Variants in FBXL7 observed in about 807,000 individuals in gnomAD.
The protein encoded by FBXL7 is F-box and leucine rich repeat protein 7.
A neutral mutation model predicts 38.3 loss-of-function variants in FBXL7; 12 were observed. The ratio of observed to expected loss-of-function variants is 0.31; its 90% CI spans 0.20 to 0.51. FBXL7 has a LOEUF of 0.51. Ranked by LOEUF, FBXL7 falls within the 20% of genes least tolerant of loss-of-function variation. The pLI, the probability that FBXL7 is intolerant of heterozygous loss-of-function variation, is 0.98. For synonymous variants in FBXL7, 297 were observed against 300.9 expected, an observed-to-expected ratio of 0.99 and a Z score of 0.13; for missense variants, 567 against 676.4, an observed-to-expected ratio of 0.84 and a Z score of 1.79.
At chr5:15,888,109 A>C (rs1392786254) in intron 2 of FBXL7, among the ~76,000 whole-genome samples, 1 of 152,234 alleles carries the variant, frequency 6.6e-6, no homozygotes, top group Non-Finnish European at 1.5e-5. Context: ...TTCATATTGC[A>C]CTATCATCCA....
At chr5:15,842,662 G>T (rs1738781277) in intron 2 of FBXL7, among the ~76,000 whole-genome samples, 1 of 152,106 alleles carries the variant, frequency 6.6e-6, no homozygotes, top group Non-Finnish European at 1.5e-5. Context: ...GGAGATAATA[G>T]AATCATGGAG....
chr5:15,788,784 A>G (rs372112353), intron 2 of FBXL7, among the ~76,000 whole-genome samples: 65 of 150,832 alleles, frequency 4.3e-4, no homozygotes, highest in African/African-American at 1.5e-3. Flanking sequence ...GCTTCAAATG[A>G]TTCTCCTGCC....
chr5:15,668,435 T>A, intron 2 of FBXL7, among the ~76,000 whole-genome samples: 1 of 151,548 alleles, frequency 6.6e-6, no homozygotes, highest in East Asian at 1.9e-4. Context: ...TTTCCTGGAA[T>A]AAAGAATACA....
At chr5:15,603,908 G>A (rs769739586) in intron 1 of FBXL7, among the ~76,000 whole-genome samples, 2 of 152,160 alleles carry the variant, frequency 1.3e-5, no homozygotes, top group East Asian at 1.9e-4. Flanking sequence ...AGGCTGAGGC[G>A]AGTGGGTCAC....
At chr5:15,858,416 TG>T (rs531459304) in intron 2 of FBXL7, among the ~76,000 whole-genome samples, 31 of 152,190 alleles carry the variant, frequency 2.0e-4, no homozygotes, top group African/African-American at 7.2e-4. Context: ...ATTCATTGGA[TG>T]AAAAAAAGGT....
chr5:15,777,831 G>C (rs968672980), intron 2 of FBXL7, among the ~76,000 whole-genome samples: 6 of 149,604 alleles, frequency 4.0e-5, no homozygotes, highest in African/African-American at 1.2e-4. Flanking sequence ...TATTACATGT[G>C]ATCTAGGACA....
chr5:15,718,285 C>T lies in FBXL7; in HGVS notation c.127+102213C>T, dbSNP rs1021449552. Among the ~76,000 whole-genome samples, 19 of 152,138 alleles carry T rather than the reference C, an allele frequency of 1.2e-4. No homozygotes were observed. In the East Asian group the frequency reaches 3.3e-3, roughly 26 times the overall value. ...TCTTGCGCTTTTTTTGTAGGTTTGA[C>T]GTTTTTCAAAATAAAAAGTTGAGGA... On this transcript the variant is annotated intron_variant, in intron 2 of 3. Coordinates refer to ENST00000504595, the MANE Select transcript of FBXL7 (RefSeq NM_012304.5).
intron 2 of FBXL7, among the ~76,000 whole-genome samples, chr5:15,701,463 G>C (rs1352166664): frequency 2.6e-5 from 4 of 152,094 alleles, no homozygotes; most frequent in African/African-American, 9.7e-5. Context: ...TTTGTTTTTG[G>C]TCACAGAGCG....
intron 2 of FBXL7, among the ~76,000 whole-genome samples, chr5:15,831,662 G>A (rs1738459369): frequency 6.6e-6 from 1 of 152,162 alleles, no homozygotes; most frequent in Admixed American, 6.5e-5. Context: ...ACGCACTCTG[G>A]GAAACATTGT....
intron 1 of FBXL7, among the ~76,000 whole-genome samples, chr5:15,564,218 A>G (rs1455564615): frequency 3.3e-5 from 5 of 152,098 alleles, no homozygotes; most frequent in Non-Finnish European, 7.4e-5. Context: ...CTCCATTATT[A>G]AAAAATTCAT....
In FBXL7 at chr5:15,793,237, CAGA is replaced by C. The variant is rs900802618; in HGVS notation, c.128-134650_128-134648del. Among the ~76,000 whole-genome samples, 290 of 152,224 alleles carry C rather than the reference CAGA, an allele frequency of 1.9e-3. 1 individual carries two copies. The highest frequency in any genetic ancestry group is 6.7e-3 in the African/African-American group (276 of 41,494). On this transcript the variant is annotated intron_variant, in intron 2 of 3. Coordinates refer to ENST00000504595, the MANE Select transcript of FBXL7 (RefSeq NM_012304.5). ...CTGCAAATGTGGTGCCTTGAAACAA[CAGA>C]AGTTTATTCTTTCATGGTTCTGGAG...
At chr5:15,814,359 T>A (rs970536870) in intron 2 of FBXL7, among the ~76,000 whole-genome samples, 3 of 152,074 alleles carry the variant, frequency 2.0e-5, no homozygotes, top group Non-Finnish European at 4.4e-5. Context: ...TTCTCACTCT[T>A]AAGTAGGAGT....
intron 2 of FBXL7, among the ~76,000 whole-genome samples, chr5:15,757,685 T>C (rs1192562825): frequency 6.6e-6 from 1 of 152,188 alleles, no homozygotes; most frequent in African/African-American, 2.4e-5. Flanking sequence ...ACTGAACTGC[T>C]GTTCTGTCAT....
chr5:15,915,286 A>C (rs1741554391), intron 2 of FBXL7, among the ~76,000 whole-genome samples: 1 of 152,242 alleles, frequency 6.6e-6, no homozygotes, highest in Non-Finnish European at 1.5e-5. Flanking sequence ...GGCATACAGC[A>C]ACAGAATTTA....
intron 2 of FBXL7, among the ~76,000 whole-genome samples, chr5:15,808,400 T>C (rs564021622): frequency 6.6e-6 from 1 of 152,282 alleles, no homozygotes; most frequent in Non-Finnish European, 1.5e-5. Context: ...TATCTAGCCA[T>C]GGACTTGCGA....
At chr5:15,657,865 C>T (rs1288297819) in intron 2 of FBXL7, among the ~76,000 whole-genome samples, 1 of 151,746 alleles carries the variant, frequency 6.6e-6, no homozygotes, top group Non-Finnish European at 1.5e-5. Flanking sequence ...ATGTAATGGA[C>T]ATTTAAAATA....
chr5:15,583,922 C>T (rs1413103218), intron 1 of FBXL7, among the ~76,000 whole-genome samples: 1 of 152,204 alleles, frequency 6.6e-6, no homozygotes, highest in Non-Finnish European at 1.5e-5. Context: ...CTCTGGACAT[C>T]CAGGCATTTC....
intron 2 of FBXL7, among the ~76,000 whole-genome samples, chr5:15,733,218 G>A (rs1333431312): frequency 6.6e-5 from 10 of 151,976 alleles, no homozygotes; most frequent in African/African-American, 2.2e-4. Context: ...TCACCCTCCC[G>A]AGTAGCTGGG....
At chr5:15,785,835 A>G (rs899737445) in intron 2 of FBXL7, among the ~76,000 whole-genome samples, 1 of 152,234 alleles carries the variant, frequency 6.6e-6, no homozygotes, top group Non-Finnish European at 1.5e-5. Context: ...TCTGGCACGC[A>G]TTGTGCCTGT....
Sources: gnomAD v4.1 joint callset for allele counts (sites outside exome capture counted in the v4.1 genomes callset) on GRCh38, gnomAD v4.1.1 for gene constraint, MANE v1.5 for transcripts, NCBI Gene and HGNC (gene_info 2026-07-23, HGNC 2026-07-21) for gene names.